MTUS2: variants seen among roughly 807,000 people sequenced by gnomAD.
The protein encoded by MTUS2 is microtubule associated scaffold protein 2.
A neutral mutation model predicts 114.1 loss-of-function variants in MTUS2; 40 were observed. The observed-to-expected ratio is 0.35, with a 90% CI of 0.27 to 0.46. The LOEUF (loss-of-function observed/expected upper bound fraction) is 0.46. Among genes scored for constraint, MTUS2 ranks in the 20% least tolerant of loss-of-function variants. The pLI is 1.00. For missense variants in MTUS2, 1,679 were observed against 1,705.4 expected, an observed-to-expected ratio of 0.98 and a Z score of 0.27; for synonymous variants, 688 against 672.0, an observed-to-expected ratio of 1.02 and a Z score of -0.37.
intron 8 of MTUS2, among the ~76,000 whole-genome samples, chr13:29,433,309 T>A (rs919893637): frequency 6.6e-6 from 1 of 152,230 alleles, no homozygotes; most frequent in Non-Finnish European, 1.5e-5. Context: ...ATGACTTTGC[T>A]CGTTTTTCAT....
intron 8 of MTUS2, among the ~76,000 whole-genome samples, chr13:29,438,677 C>A (rs1241461365): frequency 1.3e-5 from 2 of 152,250 alleles, no homozygotes; most frequent in East Asian, 3.9e-4. Flanking sequence ...TAGGGGGACA[C>A]ATACCTTCAG....
intron 6 of MTUS2, among the ~76,000 whole-genome samples, chr13:29,303,474 AAAC>A (rs1367017626): frequency 7.4e-4 from 112 of 152,308 alleles, no homozygotes; most frequent in African/African-American, 2.6e-3. Flanking sequence ...TGGAGCTGAA[AAAC>A]AACATGACAA....
intron 2 of MTUS2, among the ~76,000 whole-genome samples, chr13:29,002,534 G>T (rs549509776): frequency 3.3e-5 from 5 of 152,338 alleles, no homozygotes; most frequent in South Asian, 2.1e-4. Context: ...AGTGATAGTT[G>T]CAGGATGTAA....
chr13:29,010,230 A>G (rs1885778681), intron 2 of MTUS2, among the ~76,000 whole-genome samples: 1 of 148,074 alleles, frequency 6.8e-6, no homozygotes, highest in South Asian at 2.2e-4. Flanking sequence ...AAAAAAAGCT[A>G]TAAAATGCTT....
At chr13:29,407,740 A>G (rs545162326) in intron 8 of MTUS2, among the ~76,000 whole-genome samples, 6 of 152,088 alleles carry the variant, frequency 3.9e-5, no homozygotes, top group African/African-American at 1.4e-4. Flanking sequence ...CAGCCTCCCA[A>G]AGTGCTGGGA....
chr13:29,391,644 T>G (rs1009396570), intron 8 of MTUS2, among the ~76,000 whole-genome samples: 29 of 5,066 alleles, frequency 5.7e-3, no homozygotes, highest in African/African-American at 8.0e-3. Flanking sequence ...TTTTAAAATG[T>G]TTTTTTTTTT....
At chr13:29,055,007 C>CTTA (rs1274512006) in intron 4 of MTUS2, among the ~76,000 whole-genome samples, 1 of 151,948 alleles carries the variant, frequency 6.6e-6, no homozygotes, top group Admixed American at 6.6e-5. Context: ...ATGGTCTGTG[C>CTTA]TTATGTTTGG....
chr13:29,278,043 C>T (rs1481731765), intron 5 of MTUS2, among the ~76,000 whole-genome samples: 1 of 152,190 alleles, frequency 6.6e-6, no homozygotes, highest in African/African-American at 2.4e-5. Context: ...CATATAACAG[C>T]TGGCTTGGCA....
At chr13:28,915,369 C>T (rs1164961614) in intron 2 of MTUS2, among the ~76,000 whole-genome samples, 2 of 151,876 alleles carry the variant, frequency 1.3e-5, no homozygotes, top group Non-Finnish European at 2.9e-5. Context: ...TGAGGAAACT[C>T]CAAACTCTTC....
chr13:29,072,291 C>T (rs1233367206), intron 4 of MTUS2: 3 of 152,268 alleles, frequency 2.0e-5, no homozygotes, highest in East Asian at 3.9e-4. Flanking sequence ...AATTGAATTA[C>T]TCTCATTTTC....
At chr13:28,829,681 T>G (rs776093313) in intron 1 of MTUS2, among the ~76,000 whole-genome samples, 34 of 152,252 alleles carry the variant, frequency 2.2e-4, no homozygotes, top group Non-Finnish European at 4.0e-4. Context: ...AAAGCTTGTT[T>G]TGCAGAGCCC....
At chr13:29,171,389 G>T (rs77704525) in intron 5 of MTUS2, among the ~76,000 whole-genome samples, 105 of 152,268 alleles carry the variant, frequency 6.9e-4, no homozygotes, top group Non-Finnish European at 1.3e-3. Flanking sequence ...TACACAGAAA[G>T]CACAGGTGAT....
chr13:29,022,189 T>C (rs1593390527), intron 2 of MTUS2, among the ~76,000 whole-genome samples: 1 of 152,054 alleles, frequency 6.6e-6, no homozygotes, highest in East Asian at 1.9e-4. Context: ...AAAACCAGCT[T>C]ATAGGAAATG....
Position 28,820,343 on chromosome 13 carries a change from G to C in MTUS2, c.-584G>C, listed in dbSNP as rs980605026. On this transcript the variant is annotated 5_prime_UTR_variant, in exon 1 of 16. Transcript: ENST00000612955. ...GCGGCGCGGGCGTGGGCGGGCAGAG[G>C]TGATAGCGAGCGCCGGCGGCTCCAG... The C allele has an allele frequency of 4.6e-5, 7 of 150,634 alleles. No homozygotes were observed. The highest frequency in any genetic ancestry group is 1.7e-4 in the African/African-American group (7 of 41,274). The allele number at this position is 150,634 out of a possible 1,614,324, so 9.3% of individuals were successfully genotyped here. A position where few individuals can be genotyped will look rare whatever the true frequency, so the allele number is the denominator to read the frequency against.
intron 4 of MTUS2, among the ~76,000 whole-genome samples, chr13:29,052,196 A>C (rs904812011): frequency 3.3e-5 from 5 of 152,190 alleles, no homozygotes; most frequent in Non-Finnish European, 5.9e-5. Flanking sequence ...AGAAAATCAA[A>C]ACAGGCCTGG....
At chr13:29,022,910 AT>A (rs1476423156) in intron 2 of MTUS2, among the ~76,000 whole-genome samples, 3 of 152,236 alleles carry the variant, frequency 2.0e-5, no homozygotes, top group Non-Finnish European at 4.4e-5. Context: ...TTATTCATTC[AT>A]TTGTGCTGCA....
intron 5 of MTUS2, among the ~76,000 whole-genome samples, chr13:29,198,979 G>A (rs1455955416): frequency 6.6e-6 from 1 of 152,110 alleles, no homozygotes; most frequent in African/African-American, 2.4e-5. Context: ...TGAGATGATG[G>A]GGTTTTCTAA....
intron 6 of MTUS2, among the ~76,000 whole-genome samples, chr13:29,292,289 C>A (rs764996689): frequency 6.6e-6 from 1 of 152,192 alleles, no homozygotes; most frequent in African/African-American, 2.4e-5. Flanking sequence ...ACCGTCACCC[C>A]CTGTTGTCCA....
chr13:28,869,668 G>A (rs957240257), intron 2 of MTUS2, among the ~76,000 whole-genome samples: 4 of 152,180 alleles, frequency 2.6e-5, no homozygotes, highest in African/African-American at 9.7e-5. Context: ...CTACTTAGGA[G>A]GCTGAGGCTG....
Sources: gnomAD v4.1 joint callset for allele counts (sites outside exome capture counted in the v4.1 genomes callset) on GRCh38, gnomAD v4.1.1 for gene constraint, MANE v1.5 for transcripts, NCBI Gene and HGNC (gene_info 2026-07-23, HGNC 2026-07-21) for gene names.